The following MFSD2A variants were observed in gnomAD, a reference collection of about 807,000 sequenced individuals.
MFSD2A encodes the protein sodium-dependent lysophosphatidylcholine symporter 1.
A neutral mutation model predicts 64.7 loss-of-function variants in MFSD2A; 27 were observed. That is an observed-to-expected ratio of 0.42 (90% confidence interval 0.31 to 0.58). The LOEUF is 0.58. Among genes scored for constraint, MFSD2A ranks in the 20% least tolerant of loss-of-function variants. The pLI, the probability that MFSD2A is intolerant of heterozygous loss-of-function variation, is 0.18. For missense variants in MFSD2A, 474 were observed against 679.5 expected (o/e 0.70, Z 3.36); for synonymous variants, 258 against 273.4 (o/e 0.94, Z 0.55).
At position 39,963,846 on chromosome 1, in the gene MFSD2A, C is replaced by T. The variant is rs775806498; in HGVS notation, c.354-1365C>T. The stretch of plus-strand genomic sequence containing the variant: ...GCCTCCCGGGTTCAAGTGATTCTCC[C>T]GCTTCAGCCTCCCGAGGAGCTGGGA... On this transcript the variant is annotated intron_variant, in intron 3 of 13. Coordinates refer to ENST00000372811, the MANE Select transcript of MFSD2A (RefSeq NM_032793.5). This position sits in a 1 kb window ranked among gnomAD's most constrained non-coding sequence, Gnocchi z 4.2. Among the ~76,000 whole-genome samples the T allele has an allele frequency of 2.0e-5, 3 of 152,092 alleles. No individual in the cohort carries two copies. Among genetic ancestry groups the T allele is most frequent in the Admixed American group, 6.6e-5 (1 of 15,264 alleles).
chr1:39,967,741 T>G lies in MFSD2A; in HGVS notation c.1095+30T>G, dbSNP rs554786559. 280 of 1,612,328 alleles carry G rather than the reference T, an allele frequency of 1.7e-4. 1 individual carries two copies. The South Asian group carries it at 3.0e-3, about 17-fold the overall frequency. On this transcript the variant is annotated intron_variant, in intron 10 of 13. Coordinates refer to ENST00000372811, the MANE Select transcript of MFSD2A (RefSeq NM_032793.5). ...GTGGGGTTGAAGAGCAGAGCCTGGG[T>G]TGAGTTGGGATGTCTGGTGGGAACC...
In MFSD2A at chr1:39,965,608, C is replaced by T. The variant is rs952371440; in HGVS notation, c.556+59C>T. 2.6e-6 allele frequency: 4 copies of T among 1,543,106 alleles called. No homozygotes were observed. The highest frequency in any genetic ancestry group is 1.7e-5 in the Admixed American group (1 of 59,738). On this transcript the variant is annotated intron_variant, in intron 5 of 13. Coordinates refer to ENST00000372811, the MANE Select transcript of MFSD2A (RefSeq NM_032793.5). This position sits in a 1 kb window ranked among gnomAD's most constrained non-coding sequence, Gnocchi z 5.5. ...CAGGGACCCTCCAGCCATACTTCTT[C>T]CCTTGCGGGTCCAGCTCTTTGCTCT...
At position 39,955,288 on chromosome 1, in the gene MFSD2A, G is replaced by A; in HGVS notation, c.-5G>A. On this transcript the variant is annotated 5_prime_UTR_variant, in exon 1 of 14. Transcript: ENST00000372811. The surrounding 1 kb of genome is among the most constrained non-coding windows in gnomAD (Gnocchi z 5.9). ...CCAGGTCCCAAGCGGCGTGGCCCGCGGGTCATGGCCAAAGGAGAAGGCGCC... is the reference window on the plus strand; with the variant it reads ...CCAGGTCCCAAGCGGCGTGGCCCGCAGGTCATGGCCAAAGGAGAAGGCGCC... 1.4e-6 allele frequency: 2 copies of A among 1,413,382 alleles called. No homozygotes were observed. The highest frequency in any genetic ancestry group is 3.0e-5 in the African/African-American group (2 of 67,768). The allele number at this position is 1,413,382 out of a possible 1,614,324, so 87.6% of individuals were successfully genotyped here.
intron 3 of MFSD2A, among the ~76,000 whole-genome samples, chr1:39,959,685 A>ATT (rs35703630): frequency 5.1e-4 from 76 of 150,364 alleles, no homozygotes; most frequent in South Asian, 1.0e-3. Flanking sequence ...TGGTGGATTA[A>ATT]TTTTTTTTTT....
In MFSD2A at chr1:39,965,026, A is replaced by G. The variant is rs931271276; in HGVS notation, c.354-185A>G. On this transcript the variant is annotated intron_variant, in intron 3 of 13. Coordinates refer to ENST00000372811, the MANE Select transcript of MFSD2A (RefSeq NM_032793.5). The surrounding 1 kb of genome is among the most constrained non-coding windows in gnomAD (Gnocchi z 5.5). ...TCTGGGGTCCCAGTTCCCATCTGCC[A>G]TTCCGGGCTTGGTCATCAGCCTCTT... 1.4e-6 allele frequency: 1 copy of G among 732,132 alleles called. No individual in the cohort carries two copies. The highest frequency in any genetic ancestry group is 2.2e-6 in the Non-Finnish European group (1 of 457,586). The allele number at this position is 732,132 out of a possible 1,614,324, so 45.4% of individuals were successfully genotyped here.
chr1:39,955,861 G>A lies in MFSD2A; in HGVS notation c.93+476G>A, dbSNP rs1570231079. The A allele has an allele frequency of 3.7e-6, 1 of 272,796 alleles. No individual in the cohort carries two copies. Among genetic ancestry groups the A allele is most frequent in the South Asian group, 2.9e-5 (1 of 34,356 alleles). The allele number at this position is 272,796 out of a possible 1,614,324, so 16.9% of individuals were successfully genotyped here. A position where few individuals can be genotyped will look rare whatever the true frequency, so the allele number is the denominator to read the frequency against. ...AGAGCTCTGCTCTTAAAGGAGCCGC[G>A]TCCCTCAGGCATTTGTCTGAATGTG... On this transcript the variant is annotated intron_variant, in intron 1 of 13. Transcript: ENST00000372811. This position sits in a 1 kb window ranked among gnomAD's most constrained non-coding sequence, Gnocchi z 5.9.
Position 39,965,163 on chromosome 1 carries a change from T to G in MFSD2A, c.354-48T>G, listed in dbSNP as rs777322890. On this transcript the variant is annotated intron_variant, in intron 3 of 13. Transcript: ENST00000372811. This position sits in a 1 kb window ranked among gnomAD's most constrained non-coding sequence, Gnocchi z 5.5. ...GCACAGCAGACTGGGCTGGGCCTGG[T>G]CCTGGGCTCCAGCCTCCAGCCTCCA... The G allele has an allele frequency of 5.6e-6, 9 of 1,604,482 alleles. No individual in the cohort carries two copies. The highest frequency in any genetic ancestry group is 1.4e-5 in the African/African-American group (1 of 73,354).
In MFSD2A at chr1:39,964,948, G is replaced by T; in HGVS notation, c.354-263G>T. On this transcript the variant is annotated intron_variant, in intron 3 of 13. Transcript: ENST00000372811. This position sits in a 1 kb window ranked among gnomAD's most constrained non-coding sequence, Gnocchi z 4.1. ...AACTCTCAGCCCATTAGAGGCTGCT[G>T]CCTCTGGACTAGACTCAGGCTCTGA... 1 of 521,142 alleles carries T rather than the reference G, an allele frequency of 1.9e-6. No individual in the cohort carries two copies. Among genetic ancestry groups the T allele is most frequent in the African/African-American group, 1.9e-5 (1 of 52,666 alleles). 32.3% of individuals were successfully genotyped at this position (521,142 alleles called of 1,614,324 possible).
intron 13 of MFSD2A, 32 bp from the exon 14 acceptor site, chr1:39,969,473 T>C: frequency 6.3e-7 from 1 of 1,584,950 alleles, no homozygotes; most frequent in Non-Finnish European, 8.6e-7. Flanking sequence ...GGATGGATGC[T>C]TCCTCCAACC....
At chr1:39,959,574 A>C (rs1570240096) in intron 3 of MFSD2A, among the ~76,000 whole-genome samples, 1 of 151,908 alleles carries the variant, frequency 6.6e-6, no homozygotes, top group East Asian at 1.9e-4. Flanking sequence ...TGAAATCCCA[A>C]TTTCCCTACT....
In MFSD2A at chr1:39,967,687, G is replaced by A. The variant is rs560267314; in HGVS notation, c.1071G>A (p.Lys357=). 1.2e-6 allele frequency: 2 copies of A among 1,614,142 alleles called. No individual in the cohort carries two copies. The highest frequency in any genetic ancestry group is 2.7e-5 in the African/African-American group (2 of 75,022). ...GGTTCTTGACCCGGTTTGGCAAGAAGACAGCTGTATATGTTGGGATCTCAG... is the reference window on the plus strand; with the variant it reads ...GGTTCTTGACCCGGTTTGGCAAGAAAACAGCTGTATATGTTGGGATCTCAG... ...WQWFLTRFGK[K]TAVYVGISSA... Residue 357 remains lysine (K), a synonymous_variant, in exon 10 of 14, where the codon AAG becomes AAA. Coordinates refer to ENST00000372811, the MANE Select transcript of MFSD2A (RefSeq NM_032793.5).
intron 3 of MFSD2A, among the ~76,000 whole-genome samples, chr1:39,961,532 A>G (rs1327853348): frequency 6.6e-6 from 1 of 151,730 alleles, no homozygotes; most frequent in African/African-American, 2.4e-5. Flanking sequence ...TATTTTTAGT[A>G]GAGACGAGGT....
In MFSD2A at chr1:39,955,607, C is replaced by A. The variant is rs1168896176; in HGVS notation, c.93+222C>A. The A allele has an allele frequency of 1.4e-6, 1 of 691,690 alleles. No individual in the cohort carries two copies. Among genetic ancestry groups the A allele is most frequent in the South Asian group, 1.5e-5 (1 of 66,108 alleles). The allele number at this position is 691,690 out of a possible 1,614,324, so 42.8% of individuals were successfully genotyped here. On this transcript the variant is annotated intron_variant, in intron 1 of 13. Transcript: ENST00000372811. This position sits in a 1 kb window ranked among gnomAD's most constrained non-coding sequence, Gnocchi z 5.9. ...TTGCTCACCCGCACTCCACGCTCTG[C>A]GGAGAGGCTCTGCCGGCAGCCCCAT... is the stretch of plus-strand genomic sequence containing the variant.
At position 39,967,958 on chromosome 1, in the gene MFSD2A, C is replaced by T. The variant is rs895270559; in HGVS notation, c.1208+42C>T. ...CCCCCTCCTCGGGTATCTCCAGCCCCTAGTCCCCAGTTTTGAAGCTCCTTA... is the reference window on the plus strand; with the variant it reads ...CCCCCTCCTCGGGTATCTCCAGCCCTTAGTCCCCAGTTTTGAAGCTCCTTA... On this transcript the variant is annotated intron_variant, in intron 11 of 13. Transcript: ENST00000372811. The T allele has an allele frequency of 5.4e-6, 7 of 1,294,540 alleles. No homozygotes were observed. In the Admixed American group the frequency reaches 5.8e-5, roughly 11 times the overall value. The allele number at this position is 1,294,540 out of a possible 1,614,324, so 80.2% of individuals were successfully genotyped here.
intron 13 of MFSD2A, 21 bp from the exon 14 acceptor site, chr1:39,969,484 C>T (rs1315320980): frequency 6.3e-7 from 1 of 1,594,296 alleles, no homozygotes; most frequent in Non-Finnish European, 8.5e-7. Flanking sequence ...TCCTCCAACC[C>T]ATCTCCTCTC....
intron 3 of MFSD2A, chr1:39,962,747 C>T (rs1220345749): frequency 6.8e-6 from 6 of 884,846 alleles, no homozygotes; most frequent in East Asian, 2.4e-5. Flanking sequence ...CCAAGCTGGG[C>T]CGCTTGGTGA....
chr1:39,957,019 C>A, intron 1 of MFSD2A, 68 bp from the exon 2 acceptor site: 2 of 1,550,052 alleles, frequency 1.3e-6, no homozygotes, highest in Middle Eastern at 1.8e-4. Context: ...AGGGATGGTC[C>A]TTCCTGTGGA....
At position 39,960,139 on chromosome 1, in the gene MFSD2A, T is replaced by A; in HGVS notation, c.353+1314T>A. On this transcript the variant is annotated intron_variant, in intron 3 of 13. Transcript: ENST00000372811. The surrounding 1 kb of genome is among the most constrained non-coding windows in gnomAD (Gnocchi z 4.8). Reference sequence around the variant, plus strand: ...TCAGGGGCAAAGTAGGCGGAGGTGGTGCCACGGATCGGATCAGACGGCAGG... The same window carrying A: ...TCAGGGGCAAAGTAGGCGGAGGTGGAGCCACGGATCGGATCAGACGGCAGG... Among the ~76,000 whole-genome samples, 1 of 152,224 alleles carries A rather than the reference T, an allele frequency of 6.6e-6. No homozygotes were observed. The highest frequency in any genetic ancestry group is 1.5e-5 in the Non-Finnish European group (1 of 68,030).
At chr1:39,961,920 A>G (rs925504409) in intron 3 of MFSD2A, among the ~76,000 whole-genome samples, 1 of 152,226 alleles carries the variant, frequency 6.6e-6, no homozygotes, top group Admixed American at 6.5e-5. Flanking sequence ...GCTGGACCTG[A>G]GGTCTCCTTC....
Sources: allele counts gnomAD v4.1 joint callset (sites outside exome capture counted in the v4.1 genomes callset), GRCh38; gene constraint gnomAD v4.1.1; non-coding constraint Gnocchi (gnomAD v3.1); transcripts MANE v1.5; gene names NCBI Gene and HGNC (gene_info 2026-07-23, HGNC 2026-07-21).